The following L3MBTL4 variants were observed in gnomAD, a reference collection of about 807,000 sequenced individuals.
L3MBTL4 encodes the protein lethal(3)malignant brain tumor-like protein 4.
A neutral mutation model predicts 84.5 loss-of-function variants in L3MBTL4; 70 were observed. That is an observed-to-expected ratio of 0.83 (90% confidence interval 0.68 to 1.01). The LOEUF (loss-of-function observed/expected upper bound fraction) is 1.01, where lower values mean the gene tolerates loss of function less well. Ranked by LOEUF, L3MBTL4 falls within the 50% of genes least tolerant of loss-of-function variation. The probability of loss-of-function intolerance (pLI) is 0.00; values close to 1 mark genes in which losing one functional copy is unlikely to be tolerated. For missense variants in L3MBTL4, 715 were observed against 754.8 expected (o/e 0.95, Z 0.62); for synonymous variants, 274 against 259.8 (o/e 1.05, Z -0.52).
At chr18:6,175,539 G>A (rs62079178) in intron 12 of L3MBTL4, among the ~76,000 whole-genome samples, 8,456 of 152,250 alleles carry the variant, frequency 0.056, 340 homozygotes, top group Non-Finnish European at 0.086. Flanking sequence ...GGCTAGTTCC[G>A]TGTTCTGTAA....
At chr18:6,298,566 A>T (rs2050200355) in intron 4 of L3MBTL4, among the ~76,000 whole-genome samples, 1 of 152,088 alleles carries the variant, frequency 6.6e-6, no homozygotes, top group Non-Finnish European at 1.5e-5. Flanking sequence ...TACTCCTTTT[A>T]TGTTTATAAA....
intron 16 of L3MBTL4, among the ~76,000 whole-genome samples, chr18:5,982,679 G>A (rs1488665629): frequency 3.9e-5 from 6 of 152,072 alleles, no homozygotes; most frequent in African/African-American, 1.4e-4. Context: ...ACTCATAATA[G>A]CTGGCAAAAA....
At chr18:6,067,406 G>T (rs1020990066) in intron 16 of L3MBTL4, among the ~76,000 whole-genome samples, 3 of 152,158 alleles carry the variant, frequency 2.0e-5, no homozygotes, top group Non-Finnish European at 4.4e-5. Flanking sequence ...TAAACATTTA[G>T]ACTTCTCTTT....
chr18:6,120,831 C>T (rs1480322528), intron 14 of L3MBTL4, among the ~76,000 whole-genome samples: 1 of 152,118 alleles, frequency 6.6e-6, no homozygotes, highest in Non-Finnish European at 1.5e-5. Flanking sequence ...GTACAGCATC[C>T]CACTGTGTGA....
rs867312021 is a variant in L3MBTL4 at position 6,099,608 on chromosome 18, G to T, written c.1200-6080C>A. On this transcript the variant is annotated intron_variant, in intron 14 of 18. Coordinates refer to ENST00000317931, the MANE Select transcript of L3MBTL4 (RefSeq NM_001330559.2). ...TAAATATATATATATATATATATAT[G>T]GAGAGAGAGAGAGGAGATTTTCAGG... Among the ~76,000 whole-genome samples the T allele has an allele frequency of 2.0e-4, 7 of 34,494 alleles. 1 individual carries two copies. Among genetic ancestry groups the T allele is most frequent in the South Asian group, 1.6e-3 (1 of 642 alleles). The allele number at this position is 34,494 out of a possible 152,430, so 22.6% of individuals were successfully genotyped here.
At chr18:6,153,052 T>A (rs1598924639) in intron 13 of L3MBTL4, among the ~76,000 whole-genome samples, 1 of 152,278 alleles carries the variant, frequency 6.6e-6, no homozygotes, top group African/African-American at 2.4e-5. Context: ...TATACATGGG[T>A]TTATTTCTGG....
chr18:6,061,046 T>C (rs2057201069), intron 16 of L3MBTL4, among the ~76,000 whole-genome samples: 1 of 152,158 alleles, frequency 6.6e-6, no homozygotes, highest in Admixed American at 6.5e-5. Flanking sequence ...CTGGATCATA[T>C]GTTAAGTCTG....
At chr18:5,970,764 A>G (rs1169301846) in intron 16 of L3MBTL4, among the ~76,000 whole-genome samples, 2 of 152,264 alleles carry the variant, frequency 1.3e-5, no homozygotes, top group African/African-American at 2.4e-5. Flanking sequence ...CTGAAAAACC[A>G]TTATGCAAAT....
At chr18:6,192,002 C>T (rs367762573) in intron 12 of L3MBTL4, among the ~76,000 whole-genome samples, 4 of 146,976 alleles carry the variant, frequency 2.7e-5, no homozygotes, top group African/African-American at 7.9e-5. Context: ...CTCCTCCCCC[C>T]CCTCAAAAAA....
chr18:6,031,481 C>T, intron 16 of L3MBTL4: 1 of 985,446 alleles, frequency 1.0e-6, no homozygotes, highest in Non-Finnish European at 1.2e-6. Context: ...GGACCATCAG[C>T]ATCTCATTTT....
rs368693247 is a variant in L3MBTL4 at position 6,161,453 on chromosome 18, A to G, written c.1096+10375T>C. Reference sequence around the variant, plus strand: ...GCTTGAATATTATGGTCTTGGCTCAAATTTACTGCACAAGTATTTCTGCAG... The same window carrying G: ...GCTTGAATATTATGGTCTTGGCTCAGATTTACTGCACAAGTATTTCTGCAG... On this transcript the variant is annotated intron_variant, in intron 13 of 18. Coordinates refer to ENST00000317931, the MANE Select transcript of L3MBTL4 (RefSeq NM_001330559.2). 8.7e-4 allele frequency among the ~76,000 whole-genome samples: 132 copies of G among 152,304 alleles called. No homozygotes were observed. In the South Asian group the frequency reaches 0.013, roughly 15 times the overall value.
At chr18:6,046,840 G>A in intron 16 of L3MBTL4, 1 of 710,810 alleles carries the variant, frequency 1.4e-6, no homozygotes, top group East Asian at 2.5e-5. Flanking sequence ...CACATCTAGA[G>A]GAACTAGAAA....
intron 17 of L3MBTL4, among the ~76,000 whole-genome samples, chr18:5,967,984 C>T (rs1245156762): frequency 1.3e-5 from 2 of 152,246 alleles, no homozygotes; most frequent in African/African-American, 4.8e-5. Flanking sequence ...TGTTGCTCTG[C>T]ACACACAGGT....
chr18:6,373,829 T>G (rs2054259337), intron 1 of L3MBTL4, among the ~76,000 whole-genome samples: 1 of 151,734 alleles, frequency 6.6e-6, no homozygotes, highest in African/African-American at 2.4e-5. Context: ...TGTTAAAATA[T>G]AATAATAATA....
chr18:6,375,453 C>T (rs981092542), intron 1 of L3MBTL4, among the ~76,000 whole-genome samples: 22 of 152,234 alleles, frequency 1.4e-4, no homozygotes, highest in African/African-American at 4.6e-4. Context: ...CACCTCGCTG[C>T]CCCTCAGACC....
In L3MBTL4 at chr18:6,257,805, C is replaced by T. The variant is rs559524690; in HGVS notation, c.219+6142G>A. 2.4e-4 allele frequency among the ~76,000 whole-genome samples: 36 copies of T among 152,126 alleles called. No individual in the cohort carries two copies. The South Asian group carries it at 4.2e-3, about 18-fold the overall frequency. ...GGGATTACAGGCATGCACCACTACACCCAGCTAATTTTGTATTTTTAGTAG... is the reference window on the plus strand; with the variant it reads ...GGGATTACAGGCATGCACCACTACATCCAGCTAATTTTGTATTTTTAGTAG... On this transcript the variant is annotated intron_variant, in intron 5 of 18. Coordinates refer to ENST00000317931, the MANE Select transcript of L3MBTL4 (RefSeq NM_001330559.2).
At chr18:5,983,672 T>G (rs1475177210) in intron 16 of L3MBTL4, among the ~76,000 whole-genome samples, 3 of 152,128 alleles carry the variant, frequency 2.0e-5, no homozygotes, top group Non-Finnish European at 4.4e-5. Flanking sequence ...GGGAAAACAC[T>G]GAGCACAGGA....
rs148782267 is a variant in L3MBTL4, at chr18:6,268,790, T to C, written c.128-4752A>G. Among the ~76,000 whole-genome samples the C allele has an allele frequency of 5.3e-5, 8 of 152,358 alleles. No homozygotes were observed. In the South Asian group the frequency reaches 1.7e-3, roughly 32 times the overall value. ...TTACCTGTCACTTAATATATACATA[T>C]GTATACCAGGTACTGATTGGGATAT... is the stretch of plus-strand genomic sequence containing the variant. On this transcript the variant is annotated intron_variant, in intron 4 of 18. Transcript: ENST00000317931.
At chr18:6,072,263 G>A (rs1406837867) in intron 16 of L3MBTL4, among the ~76,000 whole-genome samples, 1 of 152,014 alleles carries the variant, frequency 6.6e-6, no homozygotes, top group Non-Finnish European at 1.5e-5. Context: ...AAATGTATCA[G>A]TAAAGATAAT....
Sources: allele counts gnomAD v4.1 joint callset (sites outside exome capture counted in the v4.1 genomes callset), GRCh38; gene constraint gnomAD v4.1.1; transcripts MANE v1.5; gene names NCBI Gene and HGNC (gene_info 2026-07-23, HGNC 2026-07-21).